Variants in TET3 observed in about 807,000 individuals in gnomAD.
TET3 encodes the protein methylcytosine dioxygenase TET3.
TET3 carries 19 observed loss-of-function variants against 141.4 expected under a neutral mutation model. The observed-to-expected ratio is 0.13, with a 90% CI of 0.09 to 0.20. The LOEUF (loss-of-function observed/expected upper bound fraction) is 0.20, where lower values mean the gene tolerates loss of function less well. Ranked by LOEUF, TET3 falls within the 10% of genes least tolerant of loss-of-function variation. TET3 has a pLI of 1.00. For missense variants in TET3, 1,874 were observed against 2,356.9 expected, an observed-to-expected ratio of 0.80 and a Z score of 4.24; for synonymous variants, 1,043 against 980.9, an observed-to-expected ratio of 1.06 and a Z score of -1.18.
chr2:74,099,630 G>C lies in TET3; in HGVS notation c.3604+18G>C. The C allele has an allele frequency of 1.3e-6, 2 of 1,531,932 alleles. No homozygotes were observed. The highest frequency in any genetic ancestry group is 8.8e-7 in the Non-Finnish European group (1 of 1,135,028). 94.9% of individuals were successfully genotyped at this position (1,531,932 alleles called of 1,614,324 possible). A position where few individuals can be genotyped will look rare whatever the true frequency, so the allele number is the denominator to read the frequency against. On this transcript the variant is annotated intron_variant, in intron 11 of 11. Coordinates refer to ENST00000409262, the MANE Select transcript of TET3 (RefSeq NM_001287491.2). ...GGACCCAGGTGTGTGGGGGGAGGGT[G>C]CCCGCTTGGAGTCACAATGGCACTG...
At chr2:74,067,081 C>T (rs536444731) in intron 4 of TET3, among the ~76,000 whole-genome samples, 83 of 152,202 alleles carry the variant, frequency 5.5e-4, no homozygotes, top group Non-Finnish European at 8.5e-4. Flanking sequence ...CCCACATTCT[C>T]ATATTCTCTT....
At chr2:74,000,281 C>G (rs974558218) in intron 2 of TET3, among the ~76,000 whole-genome samples, 1 of 152,178 alleles carries the variant, frequency 6.6e-6, no homozygotes, top group African/African-American at 2.4e-5. Flanking sequence ...TGTGTAGAAA[C>G]TTGGCTCAGC....
downstream of TET3, among the ~76,000 whole-genome samples, chr2:74,110,179 T>G (rs905481952): frequency 6.6e-5 from 10 of 152,186 alleles, no homozygotes; most frequent in Non-Finnish European, 1.3e-4. Context: ...AGTGAACTTT[T>G]GCCAAATCAG....
At chr2:74,002,726 G>C (rs1170383453) in intron 2 of TET3, 1 of 520,140 alleles carries the variant, frequency 1.9e-6, no homozygotes, top group South Asian at 2.8e-5. Flanking sequence ...CCTCTGCAGT[G>C]CCTCCCTCCG....
intron 2 of TET3, among the ~76,000 whole-genome samples, chr2:74,002,419 T>A (rs1684900732): frequency 7.1e-6 from 1 of 140,544 alleles, no homozygotes; most frequent in South Asian, 2.6e-4. Flanking sequence ...GCGCAGTCTG[T>A]CATCTTTGAT....
rs34695760 is a variant in TET3, at chr2:74,080,699, C to CGGGG, written c.2679+111_2679+114dup. The stretch of plus-strand genomic sequence containing the variant: ...CTGCATGTAGCTGAGCAGGCGAGGG[C>CGGGG]GGGGGGTGGGGCCAGGTGGGTGTGT... On this transcript the variant is annotated intron_variant, in intron 6 of 11. Transcript: ENST00000409262. 2.5e-5 allele frequency: 10 copies of CGGGG among 405,658 alleles called. No individual in the cohort carries two copies. In the African/African-American group the frequency reaches 3.2e-4, roughly 13 times the overall value. 25.1% of individuals were successfully genotyped at this position (405,658 alleles called of 1,614,324 possible). A position where few individuals can be genotyped will look rare whatever the true frequency, so the allele number is the denominator to read the frequency against.
chr2:74,063,893 C>CAAAAAAA (rs70965781), intron 4 of TET3, among the ~76,000 whole-genome samples: 12 of 106,282 alleles, frequency 1.1e-4, no homozygotes, highest in South Asian at 3.5e-4. Flanking sequence ...TCTCTGCAGA[C>CAAAAAAA]AAAAAAAAAA....
intron 2 of TET3, among the ~76,000 whole-genome samples, chr2:74,001,192 A>G (rs1684832680): frequency 6.6e-6 from 1 of 152,084 alleles, no homozygotes; most frequent in African/African-American, 2.4e-5. Flanking sequence ...GAGTCTCCTC[A>G]CTGGAGGCCA....
At chr2:74,121,698 A>G in the TET3 span, 1 of 152,250 alleles carries the variant, frequency 6.6e-6, no homozygotes, top group Non-Finnish European at 1.5e-5. Context: ...GGCTGCTTCA[A>G]AAGTCTATAA....
At position 74,047,173 on chromosome 2, in the gene TET3, C is replaced by T. The variant is rs1468495322; in HGVS notation, c.1256C>T (p.Pro419Leu). 1.2e-6 allele frequency: 2 copies of T among 1,613,890 alleles called. No homozygotes were observed. Among genetic ancestry groups the T allele is most frequent in the Non-Finnish European group, 1.7e-6 (2 of 1,179,898 alleles). ...VPPEEHSSFAPDSSAFPPATP... is the reference protein window; with the variant it reads ...VPPEEHSSFALDSSAFPPATP... ...CCTGAAGAGCACTCATCTTTTGCTC[C>T]TGATAGCTCTGCCTTCCCTCCAGCA... Residue 419 changes from proline (P) to leucine (L), a missense_variant, in exon 4 of 12, where the codon CCT becomes CTT. By Grantham distance (98) the Pro-to-Leu change is moderately conservative. Coordinates refer to ENST00000409262, the MANE Select transcript of TET3 (RefSeq NM_001287491.2).
intron 3 of TET3, among the ~76,000 whole-genome samples, chr2:74,035,710 G>C (rs886861682): frequency 1.3e-5 from 2 of 152,140 alleles, no homozygotes; most frequent in African/African-American, 4.8e-5. Flanking sequence ...CTGGGCGACA[G>C]AGTGAGACTC....
chr2:74,115,267 C>T, the TET3 span, among the ~76,000 whole-genome samples: 10 of 152,052 alleles, frequency 6.6e-5, no homozygotes, highest in East Asian at 3.8e-4. Flanking sequence ...AGCAAAAAAA[C>T]GAAACAATGC....
intron 4 of TET3, among the ~76,000 whole-genome samples, chr2:74,053,023 C>T (rs138458342): frequency 1.3e-5 from 2 of 152,212 alleles, no homozygotes; most frequent in Non-Finnish European, 2.9e-5. Context: ...CTGAATGGGA[C>T]TCATATGGAT....
At chr2:74,094,302 C>T (rs1423167691) in intron 10 of TET3, among the ~76,000 whole-genome samples, 2 of 152,194 alleles carry the variant, frequency 1.3e-5, no homozygotes, top group East Asian at 1.9e-4. Context: ...GTGCAGGCTC[C>T]GAGCGGGGAG....
intron 2 of TET3, chr2:73,998,628 T>C (rs942857870): frequency 1.3e-5 from 2 of 152,364 alleles, no homozygotes; most frequent in African/African-American, 4.8e-5. Context: ...CCAAAGCTAA[T>C]TGTGAGGCCT....
intron 4 of TET3, among the ~76,000 whole-genome samples, chr2:74,069,740 A>G (rs530246934): frequency 1.3e-5 from 2 of 152,060 alleles, no homozygotes; most frequent in African/African-American, 2.4e-5. Context: ...GCACATACCA[A>G]CAAGCCTGGC....
At chr2:73,992,355 C>G (rs1412696920) in intron 2 of TET3, among the ~76,000 whole-genome samples, 1 of 121,014 alleles carries the variant, frequency 8.3e-6, no homozygotes, top group Admixed American at 8.3e-5. Flanking sequence ...GCTCTGTTAC[C>G]CAGGCTGGAC....
chr2:74,017,655 C>T (rs1276230549), intron 3 of TET3, among the ~76,000 whole-genome samples: 2 of 152,106 alleles, frequency 1.3e-5, no homozygotes, highest in Admixed American at 6.6e-5. Flanking sequence ...ATACTTCGGT[C>T]GATTCCATAT....
chr2:74,030,321 C>G (rs930301028), intron 3 of TET3, among the ~76,000 whole-genome samples: 1 of 152,182 alleles, frequency 6.6e-6, no homozygotes, highest in Non-Finnish European at 1.5e-5. Context: ...AAACTTCATA[C>G]AGTATGGTAT....
Sources: gnomAD v4.1 joint callset for allele counts (sites outside exome capture counted in the v4.1 genomes callset) on GRCh38, gnomAD v4.1.1 for gene constraint, MANE v1.5 for transcripts, NCBI Gene and HGNC (gene_info 2026-07-23, HGNC 2026-07-21) for gene names.